The following ATG4C variants were observed in gnomAD, a reference collection of about 807,000 sequenced individuals.
ATG4C encodes cysteine protease ATG4C.
In ATG4C, 56 loss-of-function variants were observed where a neutral mutation model predicts 57.6. The observed-to-expected ratio is 0.97, with a 90% CI of 0.78 to 1.21. ATG4C has a LOEUF of 1.21. ATG4C is among the 50% of genes most tolerant of loss of function. ATG4C has a pLI of 0.00. For missense variants in ATG4C, 595 were observed against 529.8 expected (o/e 1.12, Z -1.21); for synonymous variants, 157 against 174.1 (o/e 0.90, Z 0.78).
At chr1:62,860,761 A>G (rs1666827546) in intron 10 of ATG4C, among the ~76,000 whole-genome samples, 1 of 152,216 alleles carries the variant, frequency 6.6e-6, no homozygotes, top group South Asian at 2.1e-4. Context: ...TACATAGGGT[A>G]TAGCTCTAGT....
In ATG4C at chr1:62,829,132, C is replaced by A. The variant is rs760204048; in HGVS notation, c.889C>A (p.Leu297Ile). 1 of 1,612,992 alleles carries A rather than the reference C, an allele frequency of 6.2e-7. No homozygotes were observed. Among genetic ancestry groups the A allele is most frequent in the Non-Finnish European group, 8.5e-7 (1 of 1,179,362 alleles). ...TGTTATTATTCTAGTTCCTGTTAGA[C>A]TTGGTGGAGAAAGAACCAACACCGA... is the stretch of plus-strand genomic sequence containing the variant. Reference protein sequence around the residue: ...KAVIILVPVRLGGERTNTDYL... With the variant: ...KAVIILVPVRIGGERTNTDYL... Residue 297 changes from leucine to isoleucine, a missense_variant, in exon 7 of 11, where the codon CTT becomes ATT. By Grantham distance (5) the Leu-to-Ile change is conservative. Transcript: ENST00000317868.
intron 10 of ATG4C, among the ~76,000 whole-genome samples, chr1:62,844,180 AG>A (rs1666259020): frequency 6.6e-6 from 1 of 152,280 alleles, no homozygotes; most frequent in Non-Finnish European, 1.5e-5. Context: ...AAATCCCTAA[AG>A]GTGTGGCCTG....
At chr1:62,830,202 A>G (rs1665795963) in intron 7 of ATG4C, among the ~76,000 whole-genome samples, 1 of 152,136 alleles carries the variant, frequency 6.6e-6, no homozygotes, top group African/African-American at 2.4e-5. Context: ...ACTGTAATAT[A>G]TCAATGACAT....
intron 9 of ATG4C, among the ~76,000 whole-genome samples, chr1:62,840,208 G>A (rs1390102823): frequency 6.6e-6 from 1 of 152,118 alleles, no homozygotes; most frequent in Non-Finnish European, 1.5e-5. Flanking sequence ...AGGCTGAAGT[G>A]TAGTGGCACG....
intron 3 of ATG4C, among the ~76,000 whole-genome samples, chr1:62,815,213 A>G (rs1403082064): frequency 6.7e-6 from 1 of 148,912 alleles, no homozygotes; most frequent in Non-Finnish European, 1.5e-5. Context: ...CTCCCTTTCT[A>G]CCTGCTTTTG....
chr1:62,852,514 A>T (rs1666547403), intron 10 of ATG4C, among the ~76,000 whole-genome samples: 1 of 151,846 alleles, frequency 6.6e-6, no homozygotes, highest in South Asian at 2.1e-4. Context: ...GTACTTGAGG[A>T]TTTAACTCTC....
At chr1:62,804,964 A>G (rs1048810349) in intron 2 of ATG4C, among the ~76,000 whole-genome samples, 5 of 152,132 alleles carry the variant, frequency 3.3e-5, no homozygotes, top group Admixed American at 2.6e-4. Context: ...GTGTGTTTAA[A>G]ATTCTTAACT....
chr1:62,792,410 G>A (rs554427534), intron 1 of ATG4C, among the ~76,000 whole-genome samples: 1 of 152,352 alleles, frequency 6.6e-6, no homozygotes, highest in East Asian at 1.9e-4. Flanking sequence ...GAAAAGAGAA[G>A]ATTGGGGGAT....
At chr1:62,787,594 A>G (rs754635852) in intron 1 of ATG4C, among the ~76,000 whole-genome samples, 1 of 152,146 alleles carries the variant, frequency 6.6e-6, no homozygotes, top group Non-Finnish European at 1.5e-5. Flanking sequence ...TAAATTTTAC[A>G]TTTCTTAGTA....
At chr1:62,820,274 TA>T (rs1356935304) in intron 5 of ATG4C, among the ~76,000 whole-genome samples, 2 of 152,068 alleles carry the variant, frequency 1.3e-5, no homozygotes, top group East Asian at 3.8e-4. Context: ...GAAGTGACAA[TA>T]GTAAATATTT....
At chr1:62,796,157 A>AT (rs566391318) in intron 1 of ATG4C, among the ~76,000 whole-genome samples, 2,488 of 101,396 alleles carry the variant, frequency 0.025, 62 homozygotes, top group African/African-American at 0.078. Context: ...ATGCATTTTA[A>AT]TTTTTTTTTT....
intron 10 of ATG4C, among the ~76,000 whole-genome samples, chr1:62,846,935 G>C (rs985449259): frequency 1.3e-5 from 2 of 152,150 alleles, no homozygotes; most frequent in Admixed American, 6.5e-5. Context: ...CCAGCACTTT[G>C]GGAGGTCGAG....
In ATG4C at chr1:62,818,053, ACTAGAT is replaced by A. The variant is rs367915959; in HGVS notation, c.395-949_395-944del. On this transcript the variant is annotated intron_variant, in intron 4 of 10. Transcript: ENST00000317868. Reference sequence around the variant, plus strand: ...AGGATTGGAATATTTTTCAGTCCTCACTAGATCTCTGAATCTATGACTTATTTTGTT... The same window carrying A: ...AGGATTGGAATATTTTTCAGTCCTCACTCTGAATCTATGACTTATTTTGTT... 2.7e-3 allele frequency among the ~76,000 whole-genome samples: 409 copies of A among 152,270 alleles called. 5 individuals are homozygous for A. Among genetic ancestry groups the A allele is most frequent in the African/African-American group, 9.5e-3 (393 of 41,574 alleles).
chr1:62,855,887 C>G (rs1666666477), intron 10 of ATG4C, among the ~76,000 whole-genome samples: 1 of 152,178 alleles, frequency 6.6e-6, no homozygotes, highest in Non-Finnish European at 1.5e-5. Context: ...AGTCCATGTT[C>G]CAGACAGTTG....
chr1:62,791,518 G>GT (rs1664273760), intron 1 of ATG4C, among the ~76,000 whole-genome samples: 1 of 152,172 alleles, frequency 6.6e-6, no homozygotes, highest in Admixed American at 6.5e-5. Context: ...CCAAGGTTGA[G>GT]GAGCTACATT....
Position 62,816,569 on chromosome 1 carries a change from T to G in ATG4C, c.161-6T>G. ...GTTATCTTTAGACCGTATGTTTATT[T>G]TTTAGATGAAGATAAAACGTTACCT... On this transcript the variant is annotated splice_region_variant and splice_polypyrimidine_tract_variant and intron_variant, in intron 3 of 10. Transcript: ENST00000317868. 1 of 1,591,626 alleles carries G rather than the reference T, an allele frequency of 6.3e-7. No homozygotes were observed. The highest frequency in any genetic ancestry group is 8.6e-7 in the Non-Finnish European group (1 of 1,167,876).
intron 1 of ATG4C, among the ~76,000 whole-genome samples, chr1:62,799,672 A>G (rs1664590010): frequency 6.6e-6 from 1 of 152,196 alleles, no homozygotes; most frequent in Non-Finnish European, 1.5e-5. Flanking sequence ...TATGGGGTAC[A>G]TGAGATGTTT....
intron 10 of ATG4C, among the ~76,000 whole-genome samples, chr1:62,863,024 C>A (rs1296369064): frequency 6.6e-6 from 1 of 151,846 alleles, no homozygotes; most frequent in East Asian, 1.9e-4. Context: ...TTGAAAATTT[C>A]TTTTTGTCAA....
At chr1:62,820,122 T>C (rs17123880) in intron 5 of ATG4C, among the ~76,000 whole-genome samples, 4,724 of 152,146 alleles carry the variant, frequency 0.031, 235 homozygotes, top group African/African-American at 0.11. Flanking sequence ...AATTGAAAAG[T>C]ATTTGCCTAA....
Sources: allele counts gnomAD v4.1 joint callset (sites outside exome capture counted in the v4.1 genomes callset), GRCh38; gene constraint gnomAD v4.1.1; transcripts MANE v1.5; gene names NCBI Gene and HGNC (gene_info 2026-07-23, HGNC 2026-07-21).